The following ZC3H12B variants were observed in gnomAD, a reference collection of about 807,000 sequenced individuals.
The protein encoded by ZC3H12B is probable ribonuclease ZC3H12B.
Under a neutral mutation model 43.9 loss-of-function variants are expected in ZC3H12B, and 7 were observed. That is an observed-to-expected ratio of 0.16 (90% CI 0.09 to 0.30). ZC3H12B has a LOEUF of 0.30. Ranked by LOEUF, ZC3H12B falls within the 10% of genes least tolerant of loss-of-function variation. The pLI, the probability that ZC3H12B is intolerant of heterozygous loss-of-function variation, is 1.00. For missense variants in ZC3H12B, 475 were observed against 670.2 expected, an observed-to-expected ratio of 0.71 and a Z score of 3.22; for synonymous variants, 222 against 241.7, an observed-to-expected ratio of 0.92 and a Z score of 0.76.
At chrX:65,379,517 C>G (rs1198170127) in intron 2 of ZC3H12B, among the ~76,000 whole-genome samples, 1 of 112,078 alleles carries the variant, frequency 8.9e-6, no homozygotes, top group Non-Finnish European at 1.9e-5. Context: ...AAAAACAGAG[C>G]AGAAAAACTG....
the ZC3H12B span, among the ~76,000 whole-genome samples, chrX:65,193,954 A>G: frequency 9.0e-6 from 1 of 111,136 alleles, no homozygotes; most frequent in African/African-American, 3.3e-5. Context: ...GGAGCTTTCA[A>G]TCATGGCAGA....
chrX:65,093,876 A>G, the ZC3H12B span, among the ~76,000 whole-genome samples: 4 of 111,367 alleles, frequency 3.6e-5, no homozygotes, highest in Admixed American at 9.5e-5. Context: ...GTGTTTTGCA[A>G]TGTGAGCACA....
chrX:65,193,581 T>C, the ZC3H12B span, among the ~76,000 whole-genome samples: 2 of 111,845 alleles, frequency 1.8e-5, no homozygotes, highest in Non-Finnish European at 3.8e-5. Context: ...AAAACCAACT[T>C]TTCCTGTCAT....
the ZC3H12B span, among the ~76,000 whole-genome samples, chrX:65,124,288 C>T: frequency 1.9e-4 from 21 of 110,926 alleles, no homozygotes; most frequent in African/African-American, 5.9e-4. Context: ...GGATGTATCA[C>T]ATTTATTGAC....
chrX:65,077,533 C>T, the ZC3H12B span, among the ~76,000 whole-genome samples: 5 of 111,792 alleles, frequency 4.5e-5, no homozygotes, highest in Admixed American at 4.7e-4. Flanking sequence ...CTTATGTGGG[C>T]AGATCAGCTC....
the ZC3H12B span, among the ~76,000 whole-genome samples, chrX:65,316,775 G>C: frequency 6.3e-5 from 7 of 111,471 alleles, no homozygotes; most frequent in African/African-American, 2.3e-4. Context: ...CACAATGACA[G>C]AATCAAATCC....
At chrX:65,078,709 C>T in the ZC3H12B span, among the ~76,000 whole-genome samples, 2 of 110,935 alleles carry the variant, frequency 1.8e-5, no homozygotes, top group African/African-American at 6.6e-5. Flanking sequence ...ATAGACAACT[C>T]TTTGGAGGAA....
the ZC3H12B span, among the ~76,000 whole-genome samples, chrX:65,337,094 ACT>A: frequency 9.0e-6 from 1 of 110,951 alleles, no homozygotes; most frequent in Non-Finnish European, 1.9e-5. Flanking sequence ...GGGGTCTTTA[ACT>A]CTCTCTCTGT....
chrX:65,211,525 G>C, the ZC3H12B span, among the ~76,000 whole-genome samples: 1 of 104,519 alleles, frequency 9.6e-6, no homozygotes, highest in African/African-American at 3.5e-5. Flanking sequence ...TTCCATCTTA[G>C]AAACAGAGAA....
chrX:65,441,572 G>A (rs745468623), intron 3 of ZC3H12B, among the ~76,000 whole-genome samples: 11 of 111,780 alleles, frequency 9.8e-5, no homozygotes, highest in Non-Finnish European at 1.9e-4. Context: ...CGCTCTCCTG[G>A]CTCTGCTTTC....
the ZC3H12B span, among the ~76,000 whole-genome samples, chrX:65,131,052 C>G: frequency 2.7e-5 from 3 of 111,980 alleles, no homozygotes; most frequent in South Asian, 1.1e-3. Context: ...CATATAACAG[C>G]ACAGTGGTGC....
Position 65,436,157 on chromosome X carries a change from G to A in ZC3H12B, n.407+37453G>A, listed in dbSNP as rs763665371. ...AGCAGGAGGAAGAGAGAGTAAAGAG[G>A]GAAGTACCACACAGTTTTCAAACAA... On this transcript the variant is annotated intron_variant and non_coding_transcript_variant, in intron 3 of 5. Coordinates refer to the ZC3H12B transcript ENST00000617377. 2.7e-5 allele frequency among the ~76,000 whole-genome samples: 3 copies of A among 111,354 alleles called. No individual in the cohort carries two copies. In the East Asian group the frequency reaches 8.5e-4, roughly 31 times the overall value.
At chrX:65,177,959 A>G in the ZC3H12B span, among the ~76,000 whole-genome samples, 1 of 112,328 alleles carries the variant, frequency 8.9e-6, no homozygotes, top group African/African-American at 3.2e-5. Context: ...ACCCAAGACT[A>G]TCCTAAGCAA....
the ZC3H12B span, among the ~76,000 whole-genome samples, chrX:65,303,831 A>G: frequency 8.9e-6 from 1 of 112,585 alleles, no homozygotes; most frequent in Non-Finnish European, 1.9e-5. Context: ...ATGATCTGAT[A>G]AAAAATGTGC....
exon 5 of ZC3H12B, chrX:65,507,592 T>C (rs2068438550): frequency 8.9e-6 from 1 of 112,225 alleles, no homozygotes. Context: ...TTAATGGTTG[T>C]AAACTTTTAT....
At chrX:65,210,985 G>T in the ZC3H12B span, among the ~76,000 whole-genome samples, 1 of 64,170 alleles carries the variant, frequency 1.6e-5, no homozygotes, top group East Asian at 4.6e-4. Context: ...ACACATTAGT[G>T]GGTGCAGTGC....
intron 2 of ZC3H12B, among the ~76,000 whole-genome samples, chrX:65,387,977 C>A (rs891825498): frequency 1.1e-4 from 12 of 112,277 alleles, no homozygotes; most frequent in Non-Finnish European, 2.1e-4. Context: ...CCCCCACTCT[C>A]TTCTGGCTTG....
chrX:65,369,750 C>A (rs1218087724), intron 2 of ZC3H12B, among the ~76,000 whole-genome samples: 2 of 111,394 alleles, frequency 1.8e-5, no homozygotes, highest in Non-Finnish European at 3.8e-5. Flanking sequence ...TAAGTGAGAA[C>A]CAAAATTTCC....
At chrX:65,283,548 A>T in the ZC3H12B span, among the ~76,000 whole-genome samples, 1 of 111,639 alleles carries the variant, frequency 9.0e-6, no homozygotes, top group Non-Finnish European at 1.9e-5. Context: ...CTCTTTGCAG[A>T]TGACATGATT....
Sources: gnomAD v4.1 joint callset for allele counts (sites outside exome capture counted in the v4.1 genomes callset) on GRCh38, gnomAD v4.1.1 for gene constraint, MANE v1.5 for transcripts, NCBI Gene and HGNC (gene_info 2026-07-23, HGNC 2026-07-21) for gene names.